The following PRDM5 variants were observed in gnomAD, a reference collection of about 807,000 sequenced individuals.
PRDM5 encodes PR/SET domain 5, also known as PR domain zinc finger protein 5.
In PRDM5, 56 loss-of-function variants were observed where a neutral mutation model predicts 81.2. The observed-to-expected ratio is 0.69, with a 90% CI of 0.56 to 0.86. The LOEUF (loss-of-function observed/expected upper bound fraction) is 0.86, where lower values mean the gene tolerates loss of function less well. Ranked by LOEUF, PRDM5 falls within the 40% of genes least tolerant of loss-of-function variation. The pLI, the probability that PRDM5 is intolerant of heterozygous loss-of-function variation, is 0.00. For synonymous variants in PRDM5, 267 were observed against 256.4 expected (o/e 1.04, Z -0.39); for missense variants, 697 against 770.1 (o/e 0.91, Z 1.12).
chr4:120,916,782 C>T lies in PRDM5; in HGVS notation c.93+5734G>A, dbSNP rs143442280. ...CCTTCCAATTCCTCAGGCTAAAATC[C>T]GTGGAATCATCCTGAATCCTTCCCA... On this transcript the variant is annotated intron_variant, in intron 1 of 15. Coordinates refer to ENST00000264808, the MANE Select transcript of PRDM5 (RefSeq NM_018699.4). Among the ~76,000 whole-genome samples the T allele has an allele frequency of 6.6e-5, 10 of 152,308 alleles. No homozygotes were observed. In the East Asian group the frequency reaches 1.4e-3, roughly 21 times the overall value.
intron 3 of PRDM5, among the ~76,000 whole-genome samples, 192 bp from the exon 4 acceptor site, chr4:120,821,537 A>T (rs981480655): frequency 4.6e-5 from 7 of 152,198 alleles, no homozygotes; most frequent in Admixed American, 4.6e-4. Flanking sequence ...ATACAAATAC[A>T]TATGACAAAA....
chr4:120,801,347 T>C (rs1232509348), intron 8 of PRDM5, among the ~76,000 whole-genome samples: 1 of 152,252 alleles, frequency 6.6e-6, no homozygotes, highest in Non-Finnish European at 1.5e-5. Flanking sequence ...TAAATGGCCA[T>C]AGAAGGCTTC....
intron 1 of PRDM5, among the ~76,000 whole-genome samples, chr4:120,909,638 A>T (rs563737654): frequency 2.0e-5 from 3 of 151,316 alleles, no homozygotes; most frequent in Non-Finnish European, 4.4e-5. Context: ...AAAAAAGTGA[A>T]TCTATCAATT....
At position 120,890,634 on chromosome 4, in the gene PRDM5, G is replaced by C. The variant is rs1763941321; in HGVS notation, c.177+16840C>G. ...CCCACAACCTCACCAGCATGTTTTT[G>C]TTTTTGTTTACTTTTTAGTAATAGC... On this transcript the variant is annotated intron_variant, in intron 2 of 15. Coordinates refer to ENST00000264808, the MANE Select transcript of PRDM5 (RefSeq NM_018699.4). Among the ~76,000 whole-genome samples, 3 of 152,048 alleles carry C rather than the reference G, an allele frequency of 2.0e-5. No individual in the cohort carries two copies. The South Asian group carries it at 6.2e-4, about 32-fold the overall frequency.
At chr4:120,688,504 G>C (rs1733916814), downstream of PRDM5, among the ~76,000 whole-genome samples, 1 of 151,944 alleles carries the variant, frequency 6.6e-6, no homozygotes, top group African/African-American at 2.4e-5. Context: ...GTCTATTTTT[G>C]CTTTTGTTGT....
At chr4:120,866,862 A>T (rs1285139421) in intron 2 of PRDM5, among the ~76,000 whole-genome samples, 1 of 152,212 alleles carries the variant, frequency 6.6e-6, no homozygotes, top group Non-Finnish European at 1.5e-5. Flanking sequence ...TGATCATGTT[A>T]TATAGGGATA....
chr4:120,810,088 C>T (rs1753616034), intron 8 of PRDM5, among the ~76,000 whole-genome samples: 1 of 152,116 alleles, frequency 6.6e-6, no homozygotes, highest in Admixed American at 6.5e-5. Flanking sequence ...ATAAAGTACA[C>T]AATAAATGTA....
intron 15 of PRDM5, among the ~76,000 whole-genome samples, chr4:120,695,675 T>C (rs1489490628): frequency 6.6e-6 from 1 of 152,174 alleles, no homozygotes; most frequent in Non-Finnish European, 1.5e-5. Flanking sequence ...TATTACACAC[T>C]ATTTCTTTTT....
intron 2 of PRDM5, among the ~76,000 whole-genome samples, chr4:120,906,993 C>T (rs1765868463): frequency 6.8e-6 from 1 of 147,224 alleles, no homozygotes; most frequent in Non-Finnish European, 1.5e-5. Context: ...TCTCAACAGT[C>T]CACTTTCTCT....
intron 8 of PRDM5, among the ~76,000 whole-genome samples, chr4:120,801,482 T>C (rs1752112581): frequency 6.6e-6 from 1 of 152,246 alleles, no homozygotes; most frequent in South Asian, 2.1e-4. Context: ...CTGTCAGGTC[T>C]GACTCTTGGT....
chr4:120,695,826 A>G (rs1167083340), intron 15 of PRDM5, among the ~76,000 whole-genome samples: 1 of 152,166 alleles, frequency 6.6e-6, no homozygotes, highest in Non-Finnish European at 1.5e-5. Context: ...AATGCAAGGC[A>G]CAACTGTCCA....
intron 14 of PRDM5, among the ~76,000 whole-genome samples, chr4:120,730,327 C>T (rs564075293): frequency 1.3e-4 from 20 of 152,024 alleles, no homozygotes; most frequent in Non-Finnish European, 2.1e-4. Context: ...TTCTCTTCAC[C>T]GTTGCAATAT....
At chr4:120,878,567 T>C (rs1292335209) in intron 2 of PRDM5, among the ~76,000 whole-genome samples, 1 of 152,168 alleles carries the variant, frequency 6.6e-6, no homozygotes, top group African/African-American at 2.4e-5. Flanking sequence ...ATTGGTAAGT[T>C]TGACTTTATT....
intron 10 of PRDM5, among the ~76,000 whole-genome samples, chr4:120,797,588 T>C (rs1751512883): frequency 6.6e-6 from 1 of 152,190 alleles, no homozygotes; most frequent in Non-Finnish European, 1.5e-5. Flanking sequence ...GATAATTACA[T>C]GCTTTTGTCA....
chr4:120,772,496 CA>C (rs1323570163), intron 13 of PRDM5, among the ~76,000 whole-genome samples: 4 of 152,158 alleles, frequency 2.6e-5, no homozygotes, highest in Non-Finnish European at 5.9e-5. Context: ...AAGGCAATGC[CA>C]ATGGACATTA....
chr4:120,907,320 G>GCAAA (rs1199347928), intron 2 of PRDM5, among the ~76,000 whole-genome samples, 154 bp downstream of exon 2: 1 of 135,314 alleles, frequency 7.4e-6, no homozygotes, highest in Non-Finnish European at 1.5e-5. Context: ...GGCAACAAGA[G>GCAAA]CAAATCTCCA....
At chr4:120,830,526 G>A (rs950786017) in intron 3 of PRDM5, among the ~76,000 whole-genome samples, 4 of 152,042 alleles carry the variant, frequency 2.6e-5, no homozygotes, top group African/African-American at 4.8e-5. Flanking sequence ...AGGGTTGTTC[G>A]TTGGAGCGGT....
chr4:120,697,668 C>CTTTTT (rs1734691599), intron 15 of PRDM5, among the ~76,000 whole-genome samples: 13 of 42,854 alleles, frequency 3.0e-4, no homozygotes, highest in East Asian at 8.7e-4. Flanking sequence ...GCCCAGCTAA[C>CTTTTT]TATTTTTTTT....
intron 15 of PRDM5, among the ~76,000 whole-genome samples, chr4:120,701,783 A>G (rs1316215673): frequency 6.6e-6 from 1 of 152,174 alleles, no homozygotes; most frequent in Non-Finnish European, 1.5e-5. Flanking sequence ...ATACCCATGT[A>G]CAACAAACCT....
Sources: gnomAD v4.1 joint callset for allele counts (sites outside exome capture counted in the v4.1 genomes callset) on GRCh38, gnomAD v4.1.1 for gene constraint, MANE v1.5 for transcripts, NCBI Gene and HGNC (gene_info 2026-07-23, HGNC 2026-07-21) for gene names.